PEF1: variants seen among roughly 807,000 people sequenced by gnomAD.
The protein encoded by PEF1 is peflin.
In PEF1, 17 loss-of-function variants were observed where a neutral mutation model predicts 32.0. The ratio of observed to expected loss-of-function variants is 0.53; its 90% CI spans 0.36 to 0.80. The LOEUF (loss-of-function observed/expected upper bound fraction) is 0.80. Among genes scored for constraint, PEF1 ranks in the 30% least tolerant of loss-of-function variants. PEF1 has a pLI of 0.00. For missense variants in PEF1, 362 were observed against 369.1 expected (o/e 0.98, Z 0.16); for synonymous variants, 130 against 139.8 (o/e 0.93, Z 0.50).
chr1:31,638,356 C>T (rs941849313), intron 1 of PEF1, among the ~76,000 whole-genome samples: 4 of 152,122 alleles, frequency 2.6e-5, no homozygotes, highest in East Asian at 1.9e-4. Context: ...CCCAATGACT[C>T]CCCCTGCCTC....
intron 2 of PEF1, among the ~76,000 whole-genome samples, chr1:31,633,703 C>T (rs1252308032): frequency 6.6e-6 from 1 of 152,126 alleles, no homozygotes; most frequent in Non-Finnish European, 1.5e-5. Flanking sequence ...CGACTGTAAT[C>T]CCAGCACTTT....
At chr1:31,643,167 G>T (rs768195041) in intron 1 of PEF1, among the ~76,000 whole-genome samples, 4 of 152,226 alleles carry the variant, frequency 2.6e-5, no homozygotes, top group Admixed American at 6.5e-5. Flanking sequence ...TCAAAAAAGT[G>T]ACCAGACATC....
In PEF1 at chr1:31,630,643, G is replaced by A. The variant is rs750792106; in HGVS notation, c.825C>T (p.Phe275=). The change falls in exon 5 of 5, where the codon TTC becomes TTT. Residue 275 remains phenylalanine, a synonymous_variant. Transcript: ENST00000373703. The part of the protein sequence containing the change: ...QGNIRLSFED[F]VTMTASRML ...GCATCCGAGAAGCTGTCATGGTGACGAAGTCCTCGAAGCTGAGCCGAATGT... is the reference window on the plus strand; with the variant it reads ...GCATCCGAGAAGCTGTCATGGTGACAAAGTCCTCGAAGCTGAGCCGAATGT... The A allele has an allele frequency of 4.3e-6, 7 of 1,612,698 alleles. No individual in the cohort carries two copies. The highest frequency in any genetic ancestry group is 3.3e-5 in the South Asian group (3 of 91,004).
At chr1:31,643,315 A>ATC (rs1459503983) in intron 1 of PEF1, among the ~76,000 whole-genome samples, 2 of 135,594 alleles carry the variant, frequency 1.5e-5, no homozygotes, top group African/African-American at 4.9e-5. Context: ...CAATAAACTT[A>ATC]TTCAGCTATA....
Position 31,635,378 on chromosome 1 carries a change from G to C in PEF1, c.169C>G (p.Pro57Ala), listed in dbSNP as rs369188697. Residue 57 changes from proline to alanine, a missense_variant, in exon 2 of 5, where the codon CCA (proline) becomes GCA (alanine). Coordinates refer to ENST00000373703, the MANE Select transcript of PEF1 (RefSeq NM_012392.4). Reference sequence around the variant, plus strand: ...CCATAGGGCCCTCCACCAGCTGGTGGTCCATAAGGCCCTCCAGGGGCAGGA... The same window carrying C: ...CCATAGGGCCCTCCACCAGCTGGTGCTCCATAAGGCCCTCCAGGGGCAGGA... ...GGPAPGGPYG[P>A]PAGGGPYGHP... 3.7e-6 allele frequency: 6 copies of C among 1,613,582 alleles called. No individual in the cohort carries two copies. The African/African-American group carries it at 6.7e-5, about 18-fold the overall frequency.
At chr1:31,630,984 G>C (rs1640084643) in intron 4 of PEF1, 142 bp from the exon 5 acceptor site, 4 of 736,978 alleles carry the variant, frequency 5.4e-6, no homozygotes, top group Non-Finnish European at 9.1e-6. Flanking sequence ...AAATCCCAAG[G>C]GTCTGTCTAA....
intron 3 of PEF1, 63 bp downstream of exon 3, chr1:31,633,096 C>G: frequency 6.5e-7 from 1 of 1,544,140 alleles, no homozygotes. Flanking sequence ...CACCTACCCA[C>G]CTACTGTCCA....
chr1:31,632,231 G>T, intron 4 of PEF1: 1 of 639,840 alleles, frequency 1.6e-6, no homozygotes, highest in Non-Finnish European at 2.8e-6. Context: ...CATCCTTAAG[G>T]CTCCCTGTGG....
chr1:31,643,852 G>A (rs1332631762), intron 1 of PEF1, among the ~76,000 whole-genome samples: 1 of 152,122 alleles, frequency 6.6e-6, no homozygotes, highest in East Asian at 1.9e-4. Flanking sequence ...TTCCTCCTCT[G>A]TAAAATGAGG....
rs1310364579 is a variant in PEF1 at position 31,633,204 on chromosome 1, A to G, written c.436T>C (p.Cys146Arg). Residue 146 changes from cysteine to arginine, a missense_variant, in exon 3 of 5, where the codon TGC (cysteine) becomes CGC (arginine). Coordinates refer to ENST00000373703, the MANE Select transcript of PEF1 (RefSeq NM_012392.4). ...MKELKQALVN[C>R]NWSSFNDETC... is the part of the protein sequence containing the mutation. ...TCATCATTGAATGAAGACCAATTGC[A>G]GTTGACCAGGGCCTGCTTTAGCTCC... 2 of 1,613,972 alleles carry G rather than the reference A, an allele frequency of 1.2e-6. No homozygotes were observed. The highest frequency in any genetic ancestry group is 2.2e-5 in the South Asian group (2 of 91,048).
chr1:31,635,911 C>T (rs1378822508), intron 1 of PEF1, among the ~76,000 whole-genome samples: 1 of 152,120 alleles, frequency 6.6e-6, no homozygotes, highest in Non-Finnish European at 1.5e-5. Flanking sequence ...TTCCAAATGC[C>T]CATCCTGTGG....
In PEF1 at chr1:31,630,729, A is replaced by G; in HGVS notation, c.739T>C (p.Cys247Arg). Residue 247 changes from cysteine (C) to arginine (R), a missense_variant, in exon 5 of 5, where the codon TGC becomes CGC. Coordinates refer to ENST00000373703, the MANE Select transcript of PEF1 (RefSeq NM_012392.4). ...AMQLDRFIQV[C>R]TQLQVLTEAF... ...TCTGTCAGCACCTGCAGCTGGGTGC[A>G]CACCTGGATGAAGCGGTCAAGCTGC... The G allele has an allele frequency of 6.2e-7, 1 of 1,614,180 alleles. No individual in the cohort carries two copies. The highest frequency in any genetic ancestry group is 8.5e-7 in the Non-Finnish European group (1 of 1,180,026).
In PEF1 at chr1:31,635,260, C is replaced by T. The variant is rs1302766166; in HGVS notation, c.287G>A (p.Ser96Asn). 2 of 1,614,054 alleles carry T rather than the reference C, an allele frequency of 1.2e-6. No homozygotes were observed. Among genetic ancestry groups the T allele is most frequent in the African/African-American group, 2.7e-5 (2 of 74,922 alleles). The change falls in exon 2 of 5, where the codon AGT becomes AAT. Residue 96 changes from serine to asparagine, a missense_variant. By Grantham distance (46) the Ser-to-Asn change is conservative. Coordinates refer to ENST00000373703, the MANE Select transcript of PEF1 (RefSeq NM_012392.4). ...CCCAGGCTGCTGGGCACCGTAGGAA[C>T]TTGGAGGTGGCTGACCATAGGGGCC... ...PGGPYGQPPP[S>N]SYGAQQPGLY...
intron 1 of PEF1, among the ~76,000 whole-genome samples, chr1:31,643,265 T>C (rs1272778418): frequency 6.6e-6 from 1 of 152,246 alleles, no homozygotes; most frequent in African/African-American, 2.4e-5. Flanking sequence ...TGATTTACAA[T>C]GTACATTAGC....
intron 1 of PEF1, among the ~76,000 whole-genome samples, chr1:31,640,629 C>A (rs1285522117): frequency 6.6e-6 from 1 of 152,094 alleles, no homozygotes; most frequent in African/African-American, 2.4e-5. Flanking sequence ...TTGGAAGACA[C>A]CCCAAAGACT....
Position 31,633,295 on chromosome 1 carries a change from C to T in PEF1, c.345G>A (p.Val115=), listed in dbSNP as rs372841925. ...LYGQGGAPPN[V]DPEAYSWFQS... is the part of the protein sequence containing the mutation. ...GGAACCAGGAGTAGGCCTCAGGATC[C>T]ACATTGGGAGGGGCGCCACCTGGAG... The change falls in exon 3 of 5, where the codon GTG becomes GTA. Residue 115 remains valine, a synonymous_variant. Transcript: ENST00000373703. 3 of 1,612,904 alleles carry T rather than the reference C, an allele frequency of 1.9e-6. No individual in the cohort carries two copies. The highest frequency in any genetic ancestry group is 8.5e-7 in the Non-Finnish European group (1 of 1,179,418).
intron 1 of PEF1, among the ~76,000 whole-genome samples, chr1:31,639,488 A>G (rs1444483373): frequency 6.6e-6 from 1 of 152,212 alleles, no homozygotes; most frequent in Admixed American, 6.5e-5. Context: ...ACACCACTCT[A>G]AAGAGTTTTG....
intron 1 of PEF1, among the ~76,000 whole-genome samples, chr1:31,637,537 C>T (rs375245450): frequency 8.6e-5 from 13 of 150,562 alleles, no homozygotes; most frequent in African/African-American, 2.4e-4. Context: ...CCCTGCTACT[C>T]GGGAGGCTAA....
At chr1:31,640,006 T>A (rs775359831) in intron 1 of PEF1, among the ~76,000 whole-genome samples, 1 of 152,186 alleles carries the variant, frequency 6.6e-6, no homozygotes, top group Non-Finnish European at 1.5e-5. Flanking sequence ...CCAGCCCTTT[T>A]TAGAGTTTTT....
Sources: gnomAD v4.1 joint callset for allele counts (sites outside exome capture counted in the v4.1 genomes callset) on GRCh38, gnomAD v4.1.1 for gene constraint, MANE v1.5 for transcripts, NCBI Gene and HGNC (gene_info 2026-07-23, HGNC 2026-07-21) for gene names.